The following SCFD2 variants were observed in gnomAD, a reference collection of about 807,000 sequenced individuals.
SCFD2 encodes the protein sec1 family domain containing 2, also known as sec1 family domain-containing protein 2.
In SCFD2, 54 loss-of-function variants were observed where a neutral mutation model predicts 58.9. The observed-to-expected ratio is 0.92, with a 90% CI of 0.74 to 1.15. The LOEUF (loss-of-function observed/expected upper bound fraction) is 1.15, where lower values mean the gene tolerates loss of function less well. Ranked by LOEUF, SCFD2 falls within the 50% of genes most tolerant of loss-of-function variation. SCFD2 has a pLI of 0.00. For missense variants in SCFD2, 805 were observed against 836.6 expected (o/e 0.96, Z 0.47); for synonymous variants, 321 against 335.9 (o/e 0.96, Z 0.49).
intron 5 of SCFD2, among the ~76,000 whole-genome samples, chr4:53,108,111 C>T (rs1725058631): frequency 1.3e-5 from 2 of 152,148 alleles, no homozygotes; most frequent in Admixed American, 6.6e-5. Flanking sequence ...ACAACCTGCT[C>T]CTGAATGACT....
chr4:53,051,417 A>G (rs1194119372), intron 5 of SCFD2, among the ~76,000 whole-genome samples: 2 of 152,246 alleles, frequency 1.3e-5, no homozygotes, highest in East Asian at 1.9e-4. Flanking sequence ...AGCCTCTCCA[A>G]TCTTCTATAC....
chr4:53,167,672 A>G (rs1402652043), intron 4 of SCFD2, among the ~76,000 whole-genome samples: 1 of 152,206 alleles, frequency 6.6e-6, no homozygotes, highest in African/African-American at 2.4e-5. Flanking sequence ...AAAATGATCT[A>G]AAAATACATG....
At chr4:52,999,187 A>G (rs754459087) in intron 5 of SCFD2, among the ~76,000 whole-genome samples, 3 of 152,146 alleles carry the variant, frequency 2.0e-5, no homozygotes, top group Non-Finnish European at 4.4e-5. Context: ...GACTACATAT[A>G]ATTAGCACCC....
At chr4:53,250,089 T>C (rs1202354063) in intron 4 of SCFD2, among the ~76,000 whole-genome samples, 2 of 151,750 alleles carry the variant, frequency 1.3e-5, no homozygotes, top group African/African-American at 4.8e-5. Context: ...AGGCTCAAAA[T>C]AAAAGGATGG....
chr4:52,960,544 T>C (rs1365071441), intron 5 of SCFD2, among the ~76,000 whole-genome samples: 8 of 152,006 alleles, frequency 5.3e-5, no homozygotes, highest in Non-Finnish European at 1.5e-5. Context: ...AATTTTGTAT[T>C]TTTTAGTACA....
At chr4:53,044,916 C>CCCCCCCCCCCCCCCCCCGCCA (rs59844812) in intron 5 of SCFD2, among the ~76,000 whole-genome samples, 1 of 110,288 alleles carries the variant, frequency 9.1e-6, no homozygotes, top group Non-Finnish European at 1.7e-5. Flanking sequence ...ACCCCCCCCC[C>CCCCCCCCCCCCCCCCCCGCCA]CCGCCCACAA....
At chr4:53,327,350 G>A (rs888506034) in intron 2 of SCFD2, among the ~76,000 whole-genome samples, 2 of 152,180 alleles carry the variant, frequency 1.3e-5, no homozygotes, top group Non-Finnish European at 2.9e-5. Flanking sequence ...AAAATGGAAT[G>A]AGAAGGGTGT....
intron 7 of SCFD2, among the ~76,000 whole-genome samples, chr4:52,898,567 T>A (rs998212351): frequency 6.6e-6 from 1 of 152,240 alleles, no homozygotes; most frequent in African/African-American, 2.4e-5. Flanking sequence ...AGTGTTCTAC[T>A]TCCAACTATG....
intron 5 of SCFD2, among the ~76,000 whole-genome samples, chr4:52,943,005 C>T (rs1720332376): frequency 6.6e-6 from 1 of 151,074 alleles, no homozygotes. Context: ...TTGACTTTAC[C>T]TTGATACTAC....
At chr4:53,313,219 T>A (rs1732742759) in intron 3 of SCFD2, among the ~76,000 whole-genome samples, 1 of 152,188 alleles carries the variant, frequency 6.6e-6, no homozygotes, top group Non-Finnish European at 1.5e-5. Flanking sequence ...GACTGCTCAA[T>A]TCTTTTCTCA....
chr4:53,280,545 G>C (rs992344997), intron 3 of SCFD2, among the ~76,000 whole-genome samples: 3 of 151,680 alleles, frequency 2.0e-5, no homozygotes, highest in African/African-American at 7.3e-5. Flanking sequence ...AAGCAATTTT[G>C]TCTAGAATAG....
chr4:53,216,443 C>T (rs997933091), intron 4 of SCFD2, among the ~76,000 whole-genome samples: 6 of 152,066 alleles, frequency 3.9e-5, no homozygotes, highest in South Asian at 4.1e-4. Flanking sequence ...TAGAGGTGTT[C>T]ATAGTATTCT....
At chr4:53,155,754 C>T (rs1189798912) in intron 4 of SCFD2, among the ~76,000 whole-genome samples, 2 of 152,134 alleles carry the variant, frequency 1.3e-5, no homozygotes, top group Non-Finnish European at 2.9e-5. Flanking sequence ...ATCATGTAAT[C>T]GCATAAGCCA....
At chr4:53,187,811 G>A (rs1462421645) in intron 4 of SCFD2, among the ~76,000 whole-genome samples, 1 of 152,032 alleles carries the variant, frequency 6.6e-6, no homozygotes, top group African/African-American at 2.4e-5. Flanking sequence ...TAAAATTATA[G>A]ATGACTTTGG....
At chr4:53,004,563 G>C (rs1404453115) in intron 5 of SCFD2, among the ~76,000 whole-genome samples, 1 of 152,212 alleles carries the variant, frequency 6.6e-6, no homozygotes, top group Non-Finnish European at 1.5e-5. Context: ...AAGGCACGTA[G>C]ATGTTAAGTA....
At position 53,076,153 on chromosome 4, in the gene SCFD2, T is replaced by G. The variant is rs574446919; in HGVS notation, c.1561+69180A>C. Among the ~76,000 whole-genome samples, 8 of 152,180 alleles carry G rather than the reference T, an allele frequency of 5.3e-5. No homozygotes were observed. In the East Asian group the frequency reaches 1.5e-3, roughly 29 times the overall value. On this transcript the variant is annotated intron_variant, in intron 5 of 8. Transcript: ENST00000401642. ...GTTCTCCTCAGTCCTAATTTTCATA[T>G]ATTACAAGAAAAAATTTCTATCACA...
chr4:53,041,135 A>G, intron 5 of SCFD2, among the ~76,000 whole-genome samples: 1 of 152,332 alleles, frequency 6.6e-6, no homozygotes, highest in South Asian at 2.1e-4. Flanking sequence ...ATCTCTCAGA[A>G]AAGCTATTAT....
intron 2 of SCFD2, among the ~76,000 whole-genome samples, chr4:53,332,127 T>C (rs1283581865): frequency 1.3e-5 from 2 of 150,288 alleles, no homozygotes; most frequent in South Asian, 2.1e-4. Context: ...CCAAAAAGAG[T>C]CCAGGACCAG....
intron 1 of SCFD2, among the ~76,000 whole-genome samples, chr4:53,359,871 C>T (rs1444012179): frequency 1.3e-5 from 2 of 152,194 alleles, no homozygotes; most frequent in Admixed American, 1.3e-4. Flanking sequence ...TACCCTACTA[C>T]CTCATTCAAT....
Sources: allele counts gnomAD v4.1 joint callset (sites outside exome capture counted in the v4.1 genomes callset), GRCh38; gene constraint gnomAD v4.1.1; transcripts MANE v1.5; gene names NCBI Gene and HGNC (gene_info 2026-07-23, HGNC 2026-07-21).